The following RASAL2 variants were observed in gnomAD, a reference collection of about 807,000 sequenced individuals.
RASAL2 encodes RAS protein activator like 2, also known as ras GTPase-activating protein nGAP.
RASAL2 carries 58 observed loss-of-function variants against 128.9 expected under a neutral mutation model. The observed-to-expected ratio is 0.45, with a 90% CI of 0.36 to 0.56. RASAL2 has a LOEUF of 0.56. RASAL2 is among the 20% of genes least tolerant of loss of function. The pLI is 0.00. For missense variants in RASAL2, 1,360 were observed against 1,601.6 expected, an observed-to-expected ratio of 0.85 and a Z score of 2.57; for synonymous variants, 561 against 580.8, an observed-to-expected ratio of 0.97 and a Z score of 0.49.
intron 1 of RASAL2, among the ~76,000 whole-genome samples, chr1:178,246,828 A>G (rs551964684): frequency 3.3e-5 from 5 of 152,206 alleles, no homozygotes; most frequent in African/African-American, 9.6e-5. Context: ...AGATAATCAT[A>G]TGGTTTTTGT....
At chr1:178,159,228 A>G (rs1348434511) in intron 1 of RASAL2, among the ~76,000 whole-genome samples, 1 of 152,178 alleles carries the variant, frequency 6.6e-6, no homozygotes, top group African/African-American at 2.4e-5. Context: ...TGAATTCTTT[A>G]TCTTTTCATA....
At position 178,475,476 on chromosome 1, in the gene RASAL2, ATTC is replaced by A; in HGVS notation, c.*2240_*2242del. On this transcript the variant is annotated 3_prime_UTR_variant, in exon 18 of 18. Transcript: ENST00000367649. ...TCTCAGCTCAAGCCATGTTTAATTC[ATTC>A]TTTGTAAAAGCCTTCAATTGTGCCA... 1 of 152,362 alleles carries A rather than the reference ATTC, an allele frequency of 6.6e-6. No individual in the cohort carries two copies. The highest frequency in any genetic ancestry group is 1.5e-5 in the Non-Finnish European group (1 of 68,040). 9.4% of individuals were successfully genotyped at this position (152,362 alleles called of 1,614,324 possible).
chr1:178,162,308 T>TATATATAA (rs1452532619), intron 1 of RASAL2, among the ~76,000 whole-genome samples: 1 of 129,174 alleles, frequency 7.7e-6, no homozygotes, highest in Admixed American at 9.3e-5. Flanking sequence ...TATATATATA[T>TATATATAA]AATGTATTAT....
rs557547203 is a variant in RASAL2, at chr1:178,435,865, G to A, written c.675-3557G>A. Among the ~76,000 whole-genome samples, 11 of 152,156 alleles carry A rather than the reference G, an allele frequency of 7.2e-5. No individual in the cohort carries two copies. In the East Asian group the frequency reaches 1.9e-3, roughly 27 times the overall value. ...GGCCAGTAGTCAAGGGATTCACAAA[G>A]TCCACTTTCAAGGATGGGTTAGATT... is the stretch of plus-strand genomic sequence containing the variant. On this transcript the variant is annotated intron_variant, in intron 5 of 17. Transcript: ENST00000367649.
chr1:178,288,008 A>G (rs1460701749), intron 2 of RASAL2, among the ~76,000 whole-genome samples: 3 of 152,216 alleles, frequency 2.0e-5, no homozygotes, highest in South Asian at 4.1e-4. Context: ...TAAAAAATAT[A>G]TAAGACCAAA....
At chr1:178,461,935 G>T (rs2102928131) in intron 14 of RASAL2, among the ~76,000 whole-genome samples, 1 of 152,326 alleles carries the variant, frequency 6.6e-6, no homozygotes, top group East Asian at 1.9e-4. Flanking sequence ...CAGTGAAACT[G>T]CTGCATCAGG....
chr1:178,099,533 C>T (rs1473076564), intron 1 of RASAL2, among the ~76,000 whole-genome samples: 1 of 152,150 alleles, frequency 6.6e-6, no homozygotes, highest in African/African-American at 2.4e-5. Context: ...TATTGTTCTA[C>T]CCTCTATCAT....
At chr1:178,154,830 A>T (rs190832264) in intron 1 of RASAL2, among the ~76,000 whole-genome samples, 43 of 151,880 alleles carry the variant, frequency 2.8e-4, no homozygotes, top group East Asian at 9.7e-4. Flanking sequence ...TAATAATAAT[A>T]ATTATTTTTT....
intron 1 of RASAL2, among the ~76,000 whole-genome samples, chr1:178,232,915 G>GTGT (rs1664070915): frequency 6.6e-6 from 1 of 152,082 alleles, no homozygotes. Flanking sequence ...GTCCATAAAG[G>GTGT]TGTTGGTGGG....
At chr1:178,467,187 T>C (rs1273470633) in intron 16 of RASAL2, 147 bp from the exon 17 acceptor site, 7 of 637,674 alleles carry the variant, frequency 1.1e-5, no homozygotes, top group Non-Finnish European at 1.7e-5. Context: ...CAACCTTAGA[T>C]GTCTTATTCC....
intron 1 of RASAL2, among the ~76,000 whole-genome samples, chr1:178,242,759 A>T (rs1435805838): frequency 6.6e-6 from 1 of 151,870 alleles, no homozygotes. Context: ...ACAGGACCTT[A>T]CTCTGCCACC....
intron 3 of RASAL2, among the ~76,000 whole-genome samples, chr1:178,334,348 T>G (rs1669480254): frequency 6.6e-6 from 1 of 151,976 alleles, no homozygotes; most frequent in Non-Finnish European, 1.5e-5. Context: ...TTTTTCTTTT[T>G]TTTTTTTGAG....
intron 3 of RASAL2, among the ~76,000 whole-genome samples, chr1:178,314,391 C>A (rs1333333283): frequency 6.6e-6 from 1 of 152,090 alleles, no homozygotes; most frequent in African/African-American, 2.4e-5. Flanking sequence ...CAAAATAATT[C>A]TCTTGCAGCT....
chr1:178,459,965 A>G (rs893598893), intron 14 of RASAL2, among the ~76,000 whole-genome samples: 1 of 152,220 alleles, frequency 6.6e-6, no homozygotes, highest in African/African-American at 2.4e-5. Context: ...CATAAAATGT[A>G]TGTGTTAGAA....
chr1:178,269,727 A>G (rs1666156637), intron 1 of RASAL2, among the ~76,000 whole-genome samples: 1 of 152,222 alleles, frequency 6.6e-6, no homozygotes, highest in South Asian at 2.1e-4. Flanking sequence ...CCCCTTGTTT[A>G]GCATATTATC....
Position 178,452,524 on chromosome 1 carries a change from C to T in RASAL2, c.1881C>T (p.Leu627=). The T allele has an allele frequency of 6.2e-7, 1 of 1,614,062 alleles. No homozygotes were observed. ...GGCTCATCAGTGCCTCATTATTTCT[C>T]CGTTTTCTGTGTCCAGCCATTATGT... The part of the protein sequence containing the change: ...SERLISASLF[L]RFLCPAIMSP... The change falls in exon 11 of 18, where the codon CTC becomes CTT. Residue 627 remains leucine (L), a synonymous_variant. Transcript: ENST00000367649.
intron 1 of RASAL2, among the ~76,000 whole-genome samples, chr1:178,217,769 G>T (rs1248464362): frequency 6.6e-6 from 1 of 152,154 alleles, no homozygotes; most frequent in African/African-American, 2.4e-5. Context: ...GCTGCTCAGG[G>T]TGCTGGTTGC....
At chr1:178,157,444 GT>G (rs1661121222) in intron 1 of RASAL2, among the ~76,000 whole-genome samples, 1 of 152,130 alleles carries the variant, frequency 6.6e-6, no homozygotes. Flanking sequence ...TTACCACCTA[GT>G]TTTTGCCCTT....
intron 1 of RASAL2, among the ~76,000 whole-genome samples, chr1:178,213,108 T>C (rs973557642): frequency 6.6e-6 from 1 of 151,856 alleles, no homozygotes; most frequent in Non-Finnish European, 1.5e-5. Flanking sequence ...TGATCTCGGC[T>C]CACCACAACC....
Sources: allele counts gnomAD v4.1 joint callset (sites outside exome capture counted in the v4.1 genomes callset), GRCh38; gene constraint gnomAD v4.1.1; transcripts MANE v1.5; gene names NCBI Gene and HGNC (gene_info 2026-07-23, HGNC 2026-07-21).